ULK4: variants seen among roughly 807,000 people sequenced by gnomAD.
ULK4 encodes inactive serine/threonine-protein kinase ULK4.
In ULK4, 133 loss-of-function variants were observed where a neutral mutation model predicts 160.6. The observed-to-expected ratio is 0.83, with a 90% CI of 0.72 to 0.96. The LOEUF is 0.96. ULK4 is among the 40% of genes least tolerant of loss of function. The probability of loss-of-function intolerance (pLI) is 0.00; values close to 1 mark genes in which losing one functional copy is unlikely to be tolerated. For missense variants in ULK4, 1,580 were observed against 1,499.5 expected, an observed-to-expected ratio of 1.05 and a Z score of -0.89; for synonymous variants, 534 against 539.8, an observed-to-expected ratio of 0.99 and a Z score of 0.15.
At chr3:41,261,351 A>G (rs1162742645) in intron 35 of ULK4, among the ~76,000 whole-genome samples, 1 of 152,156 alleles carries the variant, frequency 6.6e-6, no homozygotes, top group Non-Finnish European at 1.5e-5. Context: ...TACAGATGAG[A>G]AAATGAAGGC....
rs376294166 is a variant in ULK4, at chr3:41,793,766, A to G, written c.2011-3923T>C. ...GGTTCTCACTATGGTCCCTATAGAG[A>G]TTTTCCCTATAATCCCAATAAGTCT... On this transcript the variant is annotated intron_variant, in intron 20 of 36. Coordinates refer to ENST00000301831, the MANE Select transcript of ULK4 (RefSeq NM_017886.4). Among the ~76,000 whole-genome samples the G allele has an allele frequency of 3.2e-4, 48 of 152,212 alleles. No homozygotes were observed. The South Asian group carries it at 9.5e-3, about 30-fold the overall frequency.
At chr3:41,386,806 A>C (rs2081823223) in intron 35 of ULK4, among the ~76,000 whole-genome samples, 1 of 152,142 alleles carries the variant, frequency 6.6e-6, no homozygotes, top group African/African-American at 2.4e-5. Context: ...ATGTGTGGGG[A>C]AATGAGACAT....
At chr3:41,385,880 T>G (rs1431001631) in intron 35 of ULK4, among the ~76,000 whole-genome samples, 1 of 152,186 alleles carries the variant, frequency 6.6e-6, no homozygotes, top group Non-Finnish European at 1.5e-5. Flanking sequence ...CTAGGCCACA[T>G]TCTTTCTATT....
At chr3:41,368,129 C>A (rs1281038590) in intron 35 of ULK4, among the ~76,000 whole-genome samples, 1 of 151,758 alleles carries the variant, frequency 6.6e-6, no homozygotes, top group Non-Finnish European at 1.5e-5. Context: ...TTCACTGCAA[C>A]CTCTGCCTCT....
chr3:41,373,381 T>C (rs1026547609), intron 35 of ULK4, among the ~76,000 whole-genome samples: 4 of 152,128 alleles, frequency 2.6e-5, no homozygotes, highest in Non-Finnish European at 4.4e-5. Flanking sequence ...GACCACATAA[T>C]TGGAAGTAAA....
At chr3:41,745,341 C>T (rs1003316145) in intron 22 of ULK4, among the ~76,000 whole-genome samples, 1 of 151,268 alleles carries the variant, frequency 6.6e-6, no homozygotes, top group African/African-American at 2.4e-5. Context: ...ACTACAAATA[C>T]TTCAGTAGTA....
chr3:41,396,497 A>C (rs1296437469), intron 35 of ULK4, among the ~76,000 whole-genome samples: 1 of 152,094 alleles, frequency 6.6e-6, no homozygotes, highest in Non-Finnish European at 1.5e-5. Context: ...AGTCTCTAGT[A>C]CTTGTCTTCA....
In ULK4 at chr3:41,661,400, C is replaced by T. The variant is rs931890909; in HGVS notation, c.3071+2207G>A. Among the ~76,000 whole-genome samples, 6 of 151,398 alleles carry T rather than the reference C, an allele frequency of 4.0e-5. 1 individual carries two copies. The South Asian group carries it at 6.2e-4, about 16-fold the overall frequency. ...ATTTCAGTATTTATGTGTGTGTGTG[C>T]GTGCCCACATGTACACAGGTATATA... On this transcript the variant is annotated intron_variant, in intron 30 of 36. Transcript: ENST00000301831.
intron 27 of ULK4, among the ~76,000 whole-genome samples, chr3:41,704,825 GC>G (rs1170099229): frequency 1.3e-5 from 2 of 152,086 alleles, no homozygotes; most frequent in African/African-American, 4.8e-5. Flanking sequence ...AAGAAAGTAG[GC>G]TGAGGGATAG....
intron 32 of ULK4, among the ~76,000 whole-genome samples, chr3:41,532,599 G>A (rs1023511436): frequency 1.3e-5 from 2 of 152,096 alleles, no homozygotes; most frequent in Non-Finnish European, 2.9e-5. Flanking sequence ...ATGACTTAAT[G>A]AACTAGATCT....
intron 17 of ULK4, among the ~76,000 whole-genome samples, chr3:41,856,580 TATATATACAC>T (rs1429491110): frequency 3.4e-3 from 282 of 82,660 alleles, no homozygotes; most frequent in Middle Eastern, 6.7e-3. Context: ...TATATGTGTA[TATATATACAC>T]ATATATATAT....
At chr3:41,581,124 G>A (rs2125630104) in intron 31 of ULK4, among the ~76,000 whole-genome samples, 1 of 152,068 alleles carries the variant, frequency 6.6e-6, no homozygotes, top group Non-Finnish European at 1.5e-5. Flanking sequence ...ATATAAAATT[G>A]TAACATATAG....
rs562083317 is a variant in ULK4, at chr3:41,881,687, C to T, written c.1656+2187G>A. On this transcript the variant is annotated intron_variant, in intron 17 of 36. Transcript: ENST00000301831. ...AGTTCACCAGATAGTTCAGTACACG[C>T]CATTTTTTTTAATCAAATAAGTATG... is the stretch of plus-strand genomic sequence containing the variant. Among the ~76,000 whole-genome samples, 53 of 152,182 alleles carry T rather than the reference C, an allele frequency of 3.5e-4. No homozygotes were observed. In the South Asian group the frequency reaches 3.9e-3, roughly 11 times the overall value.
intron 30 of ULK4, among the ~76,000 whole-genome samples, chr3:41,633,102 C>T (rs539555858): frequency 6.6e-6 from 1 of 152,264 alleles, no homozygotes; most frequent in Admixed American, 6.5e-5. Flanking sequence ...AAGAAGGTAG[C>T]GAAAGATCCA....
intron 21 of ULK4, among the ~76,000 whole-genome samples, chr3:41,758,649 G>A (rs1292918499): frequency 6.6e-6 from 1 of 152,150 alleles, no homozygotes; most frequent in African/African-American, 2.4e-5. Flanking sequence ...ACTTTGGGAG[G>A]CCGAAGCGGG....
intron 35 of ULK4, among the ~76,000 whole-genome samples, chr3:41,279,139 C>T (rs560749904): frequency 7.3e-5 from 11 of 151,318 alleles, no homozygotes; most frequent in Admixed American, 4.0e-4. Context: ...ACAAGAACTT[C>T]GTGACGCATG....
intron 34 of ULK4, among the ~76,000 whole-genome samples, chr3:41,433,206 A>T (rs1397677532): frequency 1.3e-5 from 2 of 152,224 alleles, no homozygotes; most frequent in Non-Finnish European, 2.9e-5. Context: ...ATAATTGTGT[A>T]AAAAGACACA....
intron 17 of ULK4, among the ~76,000 whole-genome samples, chr3:41,853,171 T>C (rs2042257586): frequency 6.6e-6 from 1 of 152,186 alleles, no homozygotes; most frequent in Non-Finnish European, 1.5e-5. Context: ...GCAAAACCCC[T>C]TCCTCAGAGT....
At chr3:41,683,797 CTCTG>C (rs1375023446) in intron 27 of ULK4, among the ~76,000 whole-genome samples, 2 of 152,024 alleles carry the variant, frequency 1.3e-5, no homozygotes, top group Non-Finnish European at 1.5e-5. Flanking sequence ...TGGTAGGAAA[CTCTG>C]TCTGGCACTG....
Sources: allele counts gnomAD v4.1 joint callset (sites outside exome capture counted in the v4.1 genomes callset), GRCh38; gene constraint gnomAD v4.1.1; transcripts MANE v1.5; gene names NCBI Gene and HGNC (gene_info 2026-07-23, HGNC 2026-07-21).